VPS13D: variants seen among roughly 807,000 people sequenced by gnomAD.
The protein encoded by VPS13D is intermembrane lipid transfer protein VPS13D.
In VPS13D, 187 loss-of-function variants were observed where a neutral mutation model predicts 461.9. That is an observed-to-expected ratio of 0.40 (90% confidence interval 0.36 to 0.46). The LOEUF is 0.46. VPS13D is among the 20% of genes least tolerant of loss of function. VPS13D has a pLI of 0.60. For missense variants in VPS13D, 4,711 were observed against 5,364.9 expected (o/e 0.88, Z 3.81); for synonymous variants, 1,951 against 1,986.3 (o/e 0.98, Z 0.47).
chr1:12,371,545 C>G (rs1400565258), intron 54 of VPS13D, among the ~76,000 whole-genome samples: 1 of 151,966 alleles, frequency 6.6e-6, no homozygotes, highest in African/African-American at 2.4e-5. Context: ...TGCATGCCAC[C>G]ACGCCTGGCT....
At chr1:12,237,326 CAAAAA>C (rs60266660) in intron 2 of VPS13D, among the ~76,000 whole-genome samples, 1 of 100,864 alleles carries the variant, frequency 9.9e-6, no homozygotes, top group Admixed American at 9.6e-5. Flanking sequence ...CCCTTTTCTA[CAAAAA>C]AAAAAAAAAA....
chr1:12,415,302 G>A (rs970847750), intron 64 of VPS13D, 81 bp downstream of exon 64: 3 of 1,576,226 alleles, frequency 1.9e-6, no homozygotes, highest in Non-Finnish European at 2.6e-6. Flanking sequence ...GGTTACTAAG[G>A]CATTACTATT....
At chr1:12,361,843 T>A (rs1643955530) in intron 50 of VPS13D, among the ~76,000 whole-genome samples, 1 of 152,202 alleles carries the variant, frequency 6.6e-6, no homozygotes, top group Non-Finnish European at 1.5e-5. Context: ...AGTAATTTTA[T>A]AGATGAATAA....
chr1:12,426,465 A>G (rs1644925840), intron 65 of VPS13D, among the ~76,000 whole-genome samples: 3 of 152,236 alleles, frequency 2.0e-5, no homozygotes, highest in Admixed American at 2.0e-4. Context: ...TTTTCAGGGC[A>G]GAGTACCCAG....
At chr1:12,392,140 G>C (rs565157538) in intron 60 of VPS13D, among the ~76,000 whole-genome samples, 1 of 152,122 alleles carries the variant, frequency 6.6e-6, no homozygotes, top group East Asian at 1.9e-4. Flanking sequence ...GGGATTATAG[G>C]TGTGAGCCAC....
intron 65 of VPS13D, among the ~76,000 whole-genome samples, chr1:12,441,486 C>T (rs984662105): frequency 6.6e-6 from 1 of 152,132 alleles, no homozygotes; most frequent in Middle Eastern, 3.2e-3. Flanking sequence ...ACACAACAGT[C>T]GGATACCCAC....
chr1:12,419,674 C>T (rs1013961121), intron 65 of VPS13D, among the ~76,000 whole-genome samples: 3 of 152,174 alleles, frequency 2.0e-5, no homozygotes, highest in Non-Finnish European at 1.5e-5. Context: ...CTAATCCATT[C>T]ATAAGAAATC....
chr1:12,267,867 C>T lies in VPS13D; in HGVS notation c.1748C>T (p.Ser583Leu). 1.2e-6 allele frequency: 2 copies of T among 1,614,198 alleles called. No individual in the cohort carries two copies. Among genetic ancestry groups the T allele is most frequent in the Non-Finnish European group, 1.7e-6 (2 of 1,180,022 alleles). ...TAGCAAAAAGAAGTTGGCAGAGTCT[C>T]ACAATCTTTTGGTCTACAAACTACA... ...PNPQKEVGRV[S>L]QSFGLQTTSA... Residue 583 changes from serine to leucine, a missense_variant, in exon 15 of 70, where the codon TCA (serine) becomes TTA (leucine). Ser to Leu is a moderately radical substitution (Grantham distance 145, BLOSUM62 -2). This residue lies in a region of VPS13D where 4,411 missense variants were observed against 4,937.8 expected (regional missense o/e 0.89). Transcript: ENST00000620676.
At position 12,319,662 on chromosome 1, in the gene VPS13D, C is replaced by T. The variant is rs371208852; in HGVS notation, c.7548+32C>T. On this transcript the variant is annotated intron_variant, in intron 32 of 69. Coordinates refer to ENST00000620676, the MANE Select transcript of VPS13D (RefSeq NM_015378.4). ...AGTCTATGTGTTGATCACAGCACTG[C>T]GTGTTGGCTCACGAGCAAAGCATCT... is the stretch of plus-strand genomic sequence containing the variant. 1.1e-5 allele frequency: 17 copies of T among 1,613,268 alleles called. No individual in the cohort carries two copies. In the East Asian group the frequency reaches 1.8e-4, roughly 17 times the overall value.
intron 60 of VPS13D, among the ~76,000 whole-genome samples, chr1:12,389,572 T>C (rs1644395632): frequency 6.6e-5 from 10 of 152,186 alleles, no homozygotes; most frequent in Admixed American, 6.6e-4. Flanking sequence ...AGTACAAGTG[T>C]ATACATGCAC....
chr1:12,294,670 G>C (rs1557691826), intron 24 of VPS13D, among the ~76,000 whole-genome samples: 1 of 152,054 alleles, frequency 6.6e-6, no homozygotes, highest in Non-Finnish European at 1.5e-5. Flanking sequence ...AAATTAGCTG[G>C]GCATGGTGGC....
chr1:12,424,463 A>G (rs967789308), intron 65 of VPS13D, among the ~76,000 whole-genome samples: 1 of 152,138 alleles, frequency 6.6e-6, no homozygotes, highest in Non-Finnish European at 1.5e-5. Flanking sequence ...ATAAAAGTGT[A>G]TTTGTGGGGG....
intron 66 of VPS13D, among the ~76,000 whole-genome samples, chr1:12,458,768 A>G (rs964146579): frequency 6.6e-6 from 1 of 152,160 alleles, no homozygotes; most frequent in African/African-American, 2.4e-5. Context: ...TGTCCCTGGC[A>G]CAGGTCCTGG....
intron 63 of VPS13D, among the ~76,000 whole-genome samples, chr1:12,411,328 T>C (rs547085090): frequency 1.2e-4 from 18 of 151,874 alleles, no homozygotes; most frequent in South Asian, 1.0e-3. Context: ...AAAAGAAAAA[T>C]TTGGAGGCTA....
Position 12,380,017 on chromosome 1 carries a change from C to T in VPS13D, c.11190+421C>T, listed in dbSNP as rs1355344619. 2.6e-5 allele frequency among the ~76,000 whole-genome samples: 4 copies of T among 152,292 alleles called. No homozygotes were observed. In the East Asian group the frequency reaches 5.8e-4, roughly 22 times the overall value. On this transcript the variant is annotated intron_variant, in intron 57 of 69. Transcript: ENST00000620676. ...ATCTCCTAACCTCGTTATCCACCCG[C>T]CTTGGCCTCCCAAAGTGCTGGGATT...
At position 12,268,784 on chromosome 1, in the gene VPS13D, A is replaced by G. The variant is rs746988138; in HGVS notation, c.1880A>G (p.Asn627Ser). Residue 627 changes from asparagine (N) to serine (S), a missense_variant, in exon 16 of 70, where the codon AAT becomes AGT. Physicochemically the swap from Asn to Ser is conservative, Grantham distance 46. This residue lies in a region of VPS13D where 4,411 missense variants were observed against 4,937.8 expected (regional missense o/e 0.89). Coordinates refer to ENST00000620676, the MANE Select transcript of VPS13D (RefSeq NM_015378.4). Reference protein sequence around the residue: ...PAHSHFERRLNVSTRPLNIIY... With the variant: ...PAHSHFERRLSVSTRPLNIIY... ...CACAGCCACTTTGAGAGGCGGCTCAATGTCAGCACAAGGCCCTTGAACATC... is the reference window on the plus strand; with the variant it reads ...CACAGCCACTTTGAGAGGCGGCTCAGTGTCAGCACAAGGCCCTTGAACATC... 12 of 1,614,054 alleles carry G rather than the reference A, an allele frequency of 7.4e-6. No homozygotes were observed. Among genetic ancestry groups the G allele is most frequent in the Admixed American group, 1.7e-5 (1 of 60,004 alleles).
chr1:12,497,540 G>A lies in VPS13D; in HGVS notation c.12703G>A (p.Gly4235Arg). 2 of 1,614,090 alleles carry A rather than the reference G, an allele frequency of 1.2e-6. No individual in the cohort carries two copies. Among genetic ancestry groups the A allele is most frequent in the South Asian group, 1.1e-5 (1 of 91,072 alleles). Residue 4235 changes from glycine (G) to arginine (R), a missense_variant, in exon 68 of 70, where the codon GGG (glycine) becomes AGG (arginine). Coordinates refer to ENST00000620676, the MANE Select transcript of VPS13D (RefSeq NM_015378.4). ...QRVRKPRCCT[G>R]PQGLLPRYSE... ...GGTTCGGAAACCGCGTTGCTGCACG[G>A]GGCCCCAGGGGCTGCTTCCCCGATA...
In VPS13D at chr1:12,341,763, T is replaced by C. The variant is rs1337089636; in HGVS notation, c.8627-17T>C. On this transcript the variant is annotated splice_polypyrimidine_tract_variant and intron_variant, in intron 40 of 69. Coordinates refer to ENST00000620676, the MANE Select transcript of VPS13D (RefSeq NM_015378.4). The stretch of plus-strand genomic sequence containing the variant: ...AGATAGGGGCGTCTGCTCATAGCCT[T>C]CTTCTGTTTGTCGTAGCAGAGGTGA... The C allele has an allele frequency of 3.1e-6, 5 of 1,612,388 alleles. No homozygotes were observed. Among genetic ancestry groups the C allele is most frequent in the Admixed American group, 1.7e-5 (1 of 59,974 alleles).
At chr1:12,302,143 A>G (rs145994119) in intron 25 of VPS13D, among the ~76,000 whole-genome samples, 17 of 152,366 alleles carry the variant, frequency 1.1e-4, no homozygotes, top group African/African-American at 3.6e-4. Flanking sequence ...GAACATATCT[A>G]AATATAGAAA....
Sources: allele counts gnomAD v4.1 joint callset (sites outside exome capture counted in the v4.1 genomes callset), GRCh38; gene constraint gnomAD v4.1.1; regional missense constraint gnomAD v4.1.1; transcripts MANE v1.5; gene names NCBI Gene and HGNC (gene_info 2026-07-23, HGNC 2026-07-21).